The following ZNF608 variants were observed in gnomAD, a reference collection of about 807,000 sequenced individuals.
ZNF608 encodes zinc finger protein 608, also known as renal carcinoma antigen NY-REN-36.
In ZNF608, 12 loss-of-function variants were observed where a neutral mutation model predicts 109.0. The ratio of observed to expected loss-of-function variants is 0.11; its 90% confidence interval spans 0.07 to 0.18. The LOEUF is 0.18. ZNF608 is among the 10% of genes least tolerant of loss of function. ZNF608 has a pLI of 1.00. For missense variants in ZNF608, 1,707 were observed against 1,879.3 expected (o/e 0.91, Z 1.70); for synonymous variants, 732 against 717.4 (o/e 1.02, Z -0.33).
intron 3 of ZNF608, chr5:124,666,472 G>A (rs936094722): frequency 1.3e-5 from 2 of 152,134 alleles, no homozygotes; most frequent in Non-Finnish European, 2.9e-5. Context: ...GGTACCTCAT[G>A]CTCTCCAAAT....
At chr5:124,746,155 TACATACACACAC>T (rs987006444) in intron 1 of ZNF608, 28 bp downstream of exon 1, 130 of 985,190 alleles carry the variant, frequency 1.3e-4, no homozygotes, top group Middle Eastern at 5.2e-4. Flanking sequence ...TAAATAAATA[TACATACACACAC>T]ACATACACAC....
intron 2 of ZNF608, among the ~76,000 whole-genome samples, chr5:124,735,893 A>C (rs923492449): frequency 2.0e-5 from 3 of 152,186 alleles, no homozygotes; most frequent in African/African-American, 4.8e-5. Context: ...GGGAATACGA[A>C]TCGCTTTTCA....
rs1363922797 is a variant in ZNF608, at chr5:124,694,162, T to TG, written c.1162+6851_1162+6852insC. Among the ~76,000 whole-genome samples, 3 of 131,236 alleles carry TG rather than the reference T, an allele frequency of 2.3e-5. No homozygotes were observed. In the Admixed American group the frequency reaches 2.4e-4, roughly 10 times the overall value. The allele number at this position is 131,236 out of a possible 152,430, so 86.1% of individuals were successfully genotyped here. A position where few individuals can be genotyped will look rare whatever the true frequency, so the allele number is the denominator to read the frequency against. On this transcript the variant is annotated intron_variant, in intron 3 of 9. Transcript: ENST00000513986. ...GGCTAATTTTTTTTTTTTTTTTTTT[T>TG]TTTTTGTATTTTTAGTAGAGACGGG...
rs572022649 is a variant in ZNF608, at chr5:124,729,787, A to G, written c.906+14297T>C. Among the ~76,000 whole-genome samples the G allele has an allele frequency of 2.1e-4, 32 of 152,342 alleles. No homozygotes were observed. The East Asian group carries it at 5.8e-3, about 28-fold the overall frequency. ...ACTTTGAAATCTTTCCAGTTTTTACAATTAAACCTAACCATCTGGACAAAA... is the reference window on the plus strand; with the variant it reads ...ACTTTGAAATCTTTCCAGTTTTTACGATTAAACCTAACCATCTGGACAAAA... On this transcript the variant is annotated intron_variant, in intron 2 of 9. Transcript: ENST00000513986.
upstream of ZNF608, among the ~76,000 whole-genome samples, chr5:124,747,701 A>T (rs1580735817): frequency 6.6e-6 from 1 of 151,490 alleles, no homozygotes; most frequent in African/African-American, 2.4e-5. Context: ...GAGATCTAGG[A>T]TCTCCGAAGT....
Position 124,649,070 on chromosome 5 carries a change from C to T in ZNF608, c.1314G>A (p.Ala438=), listed in dbSNP as rs7708070. 1,208,281 of 1,613,456 alleles carry T rather than the reference C, an allele frequency of 0.75. 454,321 individuals are homozygous for T. The highest frequency in any genetic ancestry group is 0.87 in the African/African-American group (64,859 of 74,966). Residue 438 remains alanine, a synonymous_variant, in exon 5 of 10, where the codon GCG becomes GCA. Coordinates refer to ENST00000513986, the MANE Select transcript of ZNF608 (RefSeq NM_020747.3). The stretch of plus-strand genomic sequence containing the variant: ...AGCCCGGGGCAGCAGCAGCAGACCT[C>T]GCTCTCTTCCCTCTGCCCCGGCCCC... ...MRGGRGRGKR[A]RSAAAAPGSE...
intron 3 of ZNF608, among the ~76,000 whole-genome samples, chr5:124,652,082 G>C (rs1198460128): frequency 2.0e-5 from 3 of 152,252 alleles, no homozygotes; most frequent in Non-Finnish European, 4.4e-5. Flanking sequence ...AGGGAAACCT[G>C]GAGTCTGAAA....
In ZNF608 at chr5:124,647,354, G is replaced by T. The variant is rs760894509; in HGVS notation, c.3030C>A (p.His1010Gln). The T allele has an allele frequency of 1.2e-6, 2 of 1,614,198 alleles. No homozygotes were observed. The highest frequency in any genetic ancestry group is 1.7e-6 in the Non-Finnish European group (2 of 1,180,032). The change falls in exon 5 of 10, where the codon CAC becomes CAA. Residue 1010 changes from histidine to glutamine, a missense_variant. His to Gln is a conservative substitution (Grantham distance 24). Coordinates refer to ENST00000513986, the MANE Select transcript of ZNF608 (RefSeq NM_020747.3). Reference protein sequence around the residue: ...YDPYYSPSYMHPGQVGAPAAG... With the variant: ...YDPYYSPSYMQPGQVGAPAAG... ...CTGCAGGGGCACCGACCTGCCCAGG[G>T]TGCATGTAACTTGGAGAATAATAAG...
Position 124,647,914 on chromosome 5 carries a change from C to T in ZNF608, c.2470G>A (p.Gly824Arg). Residue 824 changes from glycine to arginine, a missense_variant, in exon 5 of 10, where the codon GGG becomes AGG. This residue lies in a region of ZNF608 where 1,073 missense variants were observed against 1,133.5 expected (regional missense o/e 0.95). Transcript: ENST00000513986. ...ATTTTTGGGCTTCCCGTCTCTTTCC[C>T]TTCTTTGTCCTTTAGCTTTCGCTTC... ...KEKRKLKDKE[G>R]KETGSPKMDA... 1.2e-6 allele frequency: 2 copies of T among 1,614,192 alleles called. No individual in the cohort carries two copies. The highest frequency in any genetic ancestry group is 2.7e-5 in the African/African-American group (2 of 75,042).
chr5:124,746,527 G>A lies in ZNF608; in HGVS notation c.-516C>T. On this transcript the variant is annotated 5_prime_UTR_variant, in exon 1 of 10. Coordinates refer to ENST00000513986, the MANE Select transcript of ZNF608 (RefSeq NM_020747.3). ...ATAATAGTTTTTTAAAAAACAGAGA[G>A]TTTAGAGAAAAAAGTTTTCCCAACT... is the stretch of plus-strand genomic sequence containing the variant. 1.0e-6 allele frequency: 1 copy of A among 985,268 alleles called. No individual in the cohort carries two copies. Among genetic ancestry groups the A allele is most frequent in the South Asian group, 4.7e-5 (1 of 21,270 alleles). 61.0% of individuals were successfully genotyped at this position (985,268 alleles called of 1,614,324 possible). A position where few individuals can be genotyped will look rare whatever the true frequency, so the allele number is the denominator to read the frequency against.
At chr5:124,645,956 A>C (rs1479520128) in intron 5 of ZNF608, among the ~76,000 whole-genome samples, 1 of 152,206 alleles carries the variant, frequency 6.6e-6, no homozygotes, top group Non-Finnish European at 1.5e-5. Flanking sequence ...AGAAGATGCT[A>C]GTAGAAATTT....
At chr5:124,723,797 C>A (rs1409212123) in intron 2 of ZNF608, among the ~76,000 whole-genome samples, 3 of 151,874 alleles carry the variant, frequency 2.0e-5, no homozygotes, top group East Asian at 1.9e-4. Context: ...AAAATATTTG[C>A]AAAGCACATA....
intron 3 of ZNF608, among the ~76,000 whole-genome samples, chr5:124,672,439 C>T (rs1408023713): frequency 6.6e-6 from 1 of 152,210 alleles, no homozygotes; most frequent in Non-Finnish European, 1.5e-5. Flanking sequence ...TCAATTACCT[C>T]AGTAAGGCTA....
Position 124,746,295 on chromosome 5 carries a change from A to C in ZNF608, c.-284T>G. 1.0e-6 allele frequency: 1 copy of C among 985,390 alleles called. No homozygotes were observed. The allele number at this position is 985,390 out of a possible 1,614,324, so 61.0% of individuals were successfully genotyped here. On this transcript the variant is annotated 5_prime_UTR_variant, in exon 1 of 10. In the 5' UTR this introduces an upstream ATG that the reference lacks. Coordinates refer to ENST00000513986, the MANE Select transcript of ZNF608 (RefSeq NM_020747.3). ...TGTGCCTCATTTTACTTAAACACCA[A>C]ATGATCAAGAAGGAAGAAACCAAAT...
At chr5:124,737,142 A>G (rs1035035281) in intron 2 of ZNF608, among the ~76,000 whole-genome samples, 5 of 152,262 alleles carry the variant, frequency 3.3e-5, no homozygotes, top group Admixed American at 3.3e-4. Flanking sequence ...TTAGCATAAT[A>G]AGCCAATTCC....
intron 3 of ZNF608, among the ~76,000 whole-genome samples, chr5:124,658,227 C>T (rs1386554971): frequency 1.3e-5 from 2 of 152,160 alleles, no homozygotes; most frequent in African/African-American, 2.4e-5. Context: ...TCAAAAGCCA[C>T]CCCCTGTACC....
chr5:124,665,065 C>T (rs1751420116), intron 3 of ZNF608, among the ~76,000 whole-genome samples: 1 of 151,950 alleles, frequency 6.6e-6, no homozygotes, highest in Admixed American at 6.6e-5. Flanking sequence ...ATCCCAGCTA[C>T]TCAGGAGGCT....
Position 124,639,148 on chromosome 5 carries a change from A to G in ZNF608, c.4517T>C (p.Phe1506Ser). The change falls in exon 9 of 10, where the codon TTT becomes TCT. Residue 1506 changes from phenylalanine (F) to serine (S), a missense_variant. Physicochemically the swap from Phe to Ser is radical, Grantham distance 155 (BLOSUM62 -2). Around this residue, in one of 7 missense-constraint regions of ZNF608, gnomAD observed 1,073 missense variants for 1,133.5 expected, o/e 0.95. Coordinates refer to ENST00000513986, the MANE Select transcript of ZNF608 (RefSeq NM_020747.3). ...VAAQASASGMFPGQRRE is the reference protein window; with the variant it reads ...VAAQASASGMSPGQRRE ...GGATATTTACCTTCTTTGTCCAGGA[A>G]ACATTCCAGATGCAGATGCCTGGGC... 1 of 1,614,208 alleles carries G rather than the reference A, an allele frequency of 6.2e-7. No individual in the cohort carries two copies. The highest frequency in any genetic ancestry group is 8.5e-7 in the Non-Finnish European group (1 of 1,180,018).
Position 124,693,922 on chromosome 5 carries a change from A to T in ZNF608, c.1162+7092T>A, listed in dbSNP as rs535124275. On this transcript the variant is annotated intron_variant, in intron 3 of 9. Coordinates refer to ENST00000513986, the MANE Select transcript of ZNF608 (RefSeq NM_020747.3). ...ACGCCTATGTGAAGACCTGTCTTCCATTTTTTTTTACCTTCTGTATTTTTC... is the reference window on the plus strand; with the variant it reads ...ACGCCTATGTGAAGACCTGTCTTCCTTTTTTTTTTACCTTCTGTATTTTTC... Among the ~76,000 whole-genome samples the T allele has an allele frequency of 2.2e-3, 263 of 119,464 alleles. 1 individual carries two copies. The highest frequency in any genetic ancestry group is 8.3e-3 in the African/African-American group (258 of 31,066). The allele number at this position is 119,464 out of a possible 152,430, so 78.4% of individuals were successfully genotyped here. A position where few individuals can be genotyped will look rare whatever the true frequency, so the allele number is the denominator to read the frequency against.
Sources: gnomAD v4.1 joint callset for allele counts (sites outside exome capture counted in the v4.1 genomes callset) on GRCh38, gnomAD v4.1.1 for gene constraint, gnomAD v4.1.1 regional missense constraint, MANE v1.5 for transcripts, NCBI Gene and HGNC (gene_info 2026-07-23, HGNC 2026-07-21) for gene names.